Variants in SPAG17 observed in about 807,000 individuals in gnomAD.
The protein encoded by SPAG17 is sperm associated antigen 17.
SPAG17 carries 169 observed loss-of-function variants against 273.6 expected under a neutral mutation model. That is an observed-to-expected ratio of 0.62 (90% CI 0.55 to 0.70). The LOEUF (loss-of-function observed/expected upper bound fraction) is 0.70. Among genes scored for constraint, SPAG17 ranks in the 30% least tolerant of loss-of-function variants. SPAG17 has a pLI of 0.00. For missense variants in SPAG17, 2,557 were observed against 2,627.8 expected, an observed-to-expected ratio of 0.97 and a Z score of 0.59; for synonymous variants, 825 against 873.2, an observed-to-expected ratio of 0.94 and a Z score of 0.97.
chr1:118,098,735 A>G (rs1558011863), intron 6 of SPAG17, among the ~76,000 whole-genome samples: 1 of 152,166 alleles, frequency 6.6e-6, no homozygotes, highest in Non-Finnish European at 1.5e-5. Context: ...TGAAAACCAC[A>G]TGAATCAATG....
At chr1:117,981,483 T>A (rs1488520589) in intron 42 of SPAG17, 82 bp from the exon 43 acceptor site, 2 of 1,420,280 alleles carry the variant, frequency 1.4e-6, no homozygotes, top group Non-Finnish European at 1.9e-6. Context: ...GAACAAACAT[T>A]GAAGAAGGTG....
At chr1:118,052,011 C>A (rs1651093794) in intron 20 of SPAG17, among the ~76,000 whole-genome samples, 2 of 137,002 alleles carry the variant, frequency 1.5e-5, no homozygotes, top group African/African-American at 5.3e-5. Context: ...ACACAAAATA[C>A]ATAATATATA....
intron 3 of SPAG17, among the ~76,000 whole-genome samples, chr1:118,148,138 A>G (rs1659145884): frequency 6.6e-6 from 1 of 152,168 alleles, no homozygotes; most frequent in African/African-American, 2.4e-5. Flanking sequence ...CTTCTCCCAC[A>G]GTGCAGAGTT....
intron 15 of SPAG17, among the ~76,000 whole-genome samples, chr1:118,080,832 A>T (rs1654489672): frequency 6.6e-6 from 1 of 152,176 alleles, no homozygotes; most frequent in African/African-American, 2.4e-5. Flanking sequence ...AATCACAATA[A>T]CTGTGTAACA....
chr1:118,066,940 T>C lies in SPAG17; in HGVS notation c.2386-41A>G. Reference sequence around the variant, plus strand: ...ATTGCATTGTAGAATCTTTTTTATTTTCCCCAAGAGAAGGGTCTCCTACTA... The same window carrying C: ...ATTGCATTGTAGAATCTTTTTTATTCTCCCCAAGAGAAGGGTCTCCTACTA... On this transcript the variant is annotated intron_variant, in intron 17 of 48. Coordinates refer to ENST00000336338, the MANE Select transcript of SPAG17 (RefSeq NM_206996.4). 3 of 1,566,870 alleles carry C rather than the reference T, an allele frequency of 1.9e-6. No individual in the cohort carries two copies. The South Asian group carries it at 3.7e-5, about 19-fold the overall frequency.
At chr1:118,053,849 A>G (rs1281551429) in intron 20 of SPAG17, among the ~76,000 whole-genome samples, 153 bp downstream of exon 20, 1 of 152,036 alleles carries the variant, frequency 6.6e-6, no homozygotes, top group African/African-American at 2.4e-5. Context: ...AAATATCAGC[A>G]GGTCAAAAAG....
chr1:118,149,619 ACTGT>A (rs1659262307), intron 3 of SPAG17, among the ~76,000 whole-genome samples: 1 of 152,234 alleles, frequency 6.6e-6, no homozygotes, highest in South Asian at 2.1e-4. Context: ...AATTCACAGC[ACTGT>A]CTATTGTGAA....
At chr1:117,979,580 T>A (rs1655534571) in intron 43 of SPAG17, among the ~76,000 whole-genome samples, 1 of 152,168 alleles carries the variant, frequency 6.6e-6, no homozygotes, top group Non-Finnish European at 1.5e-5. Context: ...CACAGAGTGA[T>A]CTTTTTAAAA....
chr1:118,049,620 A>G (rs190932706), intron 20 of SPAG17, among the ~76,000 whole-genome samples: 116 of 152,378 alleles, frequency 7.6e-4, no homozygotes, highest in Admixed American at 2.0e-3. Flanking sequence ...TACAGATTCA[A>G]TACAATCCCT....
chr1:118,147,923 A>C (rs955926812), intron 3 of SPAG17, among the ~76,000 whole-genome samples: 2 of 152,216 alleles, frequency 1.3e-5, no homozygotes, highest in Non-Finnish European at 1.5e-5. Flanking sequence ...AGGCTAGGAA[A>C]CCAGAAAGCC....
chr1:118,152,914 A>G (rs1006301886), intron 1 of SPAG17, among the ~76,000 whole-genome samples: 1 of 152,206 alleles, frequency 6.6e-6, no homozygotes, highest in African/African-American at 2.4e-5. Context: ...TTCATTTCAC[A>G]ATAAAGTACA....
chr1:118,039,142 A>G (rs1649432058), intron 23 of SPAG17, 150 bp downstream of exon 23: 3 of 805,758 alleles, frequency 3.7e-6, no homozygotes, highest in African/African-American at 3.6e-5. Context: ...CAGTTCAGGA[A>G]AATAGGCAAC....
chr1:118,022,370 A>G lies in SPAG17; in HGVS notation c.4069+934T>C, dbSNP rs145462219. ...ATATATCTTACAAATTAAGATGAAA[A>G]TGATGACCATCACAATGGTAAACCA... On this transcript the variant is annotated intron_variant, in intron 28 of 48. Transcript: ENST00000336338. Among the ~76,000 whole-genome samples the G allele has an allele frequency of 1.1e-3, 174 of 152,272 alleles. 2 individuals carry two copies. Among genetic ancestry groups the G allele is most frequent in the African/African-American group, 4.0e-3 (165 of 41,560 alleles).
At position 118,093,149 on chromosome 1, in the gene SPAG17, T is replaced by A; in HGVS notation, c.1173+7A>T. 1 of 1,611,638 alleles carries A rather than the reference T, an allele frequency of 6.2e-7. No homozygotes were observed. Among genetic ancestry groups the A allele is most frequent in the Non-Finnish European group, 8.5e-7 (1 of 1,178,862 alleles). ...CATCCCACTAAAGACATTGAGCCCA[T>A]GCCTACCTCTGAAGTTGGCATGGCT... On this transcript the variant is annotated splice_region_variant and intron_variant, in intron 8 of 48. Transcript: ENST00000336338.
At chr1:118,011,954 T>C (rs1216118053) in intron 30 of SPAG17, among the ~76,000 whole-genome samples, 1 of 151,870 alleles carries the variant, frequency 6.6e-6, no homozygotes, top group African/African-American at 2.4e-5. Context: ...CATCACATCA[T>C]ATTATTTATT....
intron 18 of SPAG17, among the ~76,000 whole-genome samples, chr1:118,065,785 G>GT (rs898738878): frequency 6.6e-6 from 1 of 151,810 alleles, no homozygotes; most frequent in African/African-American, 2.4e-5. Flanking sequence ...ACTAGAAATA[G>GT]TTTTTTTAAC....
intron 48 of SPAG17, chr1:117,961,711 A>G (rs1364885069): frequency 6.6e-6 from 1 of 152,132 alleles, no homozygotes; most frequent in Non-Finnish European, 1.5e-5. Flanking sequence ...GCATAACACA[A>G]TCACTGAAGT....
chr1:118,141,170 T>C (rs981538278), intron 3 of SPAG17, among the ~76,000 whole-genome samples: 5 of 152,238 alleles, frequency 3.3e-5, no homozygotes, highest in African/African-American at 4.8e-5. Context: ...CATTCAAATG[T>C]AAATTATATG....
intron 4 of SPAG17, among the ~76,000 whole-genome samples, chr1:118,102,156 CAG>C (rs1251052570): frequency 6.6e-6 from 1 of 152,190 alleles, no homozygotes; most frequent in African/African-American, 2.4e-5. Flanking sequence ...GCTGGTTACA[CAG>C]AGACTTCTGG....
Sources: gnomAD v4.1 joint callset for allele counts (sites outside exome capture counted in the v4.1 genomes callset) on GRCh38, gnomAD v4.1.1 for gene constraint, MANE v1.5 for transcripts, NCBI Gene and HGNC (gene_info 2026-07-23, HGNC 2026-07-21) for gene names.